Variants in TCF4 observed in about 807,000 individuals in gnomAD.
The protein encoded by TCF4 is transcription factor 4, also known as SL3-3 enhancer factor 2.
Under a neutral mutation model 82.1 loss-of-function variants are expected in TCF4, and 3 were observed. The ratio of observed to expected loss-of-function variants is 0.04; its 90% CI spans 0.02 to 0.09. The LOEUF is 0.09. Among genes scored for constraint, TCF4 ranks in the 10% least tolerant of loss-of-function variants. TCF4 has a pLI of 1.00. For missense variants in TCF4, 518 were observed against 852.7 expected, an observed-to-expected ratio of 0.61 and a Z score of 4.89; for synonymous variants, 276 against 309.6, an observed-to-expected ratio of 0.89 and a Z score of 1.14.
intron 15 of TCF4, among the ~76,000 whole-genome samples, chr18:55,249,846 G>T (rs1191161043): frequency 1.3e-5 from 2 of 152,202 alleles, no homozygotes; most frequent in Admixed American, 6.5e-5. Context: ...CAAGTTTGAT[G>T]TGGGTTTTGT....
At chr18:55,607,338 C>A (rs2097703086) in intron 2 of TCF4, among the ~76,000 whole-genome samples, 1 of 152,110 alleles carries the variant, frequency 6.6e-6, no homozygotes, top group African/African-American at 2.4e-5. Context: ...GAATTTGATG[C>A]TGAATTTTAA....
At chr18:55,432,474 C>T (rs1189434729) in intron 5 of TCF4, among the ~76,000 whole-genome samples, 1 of 152,146 alleles carries the variant, frequency 6.6e-6, no homozygotes, top group African/African-American at 2.4e-5. Flanking sequence ...CCTATACAAC[C>T]TTGTAAGGTT....
intron 6 of TCF4, among the ~76,000 whole-genome samples, chr18:55,368,534 C>T (rs537479286): frequency 6.6e-6 from 1 of 152,192 alleles, no homozygotes; most frequent in East Asian, 1.9e-4. Flanking sequence ...ACAAAAAACA[C>T]AGTGTTTTAA....
At chr18:55,340,553 C>A in intron 8 of TCF4, among the ~76,000 whole-genome samples, 1 of 127,492 alleles carries the variant, frequency 7.8e-6, no homozygotes, top group Admixed American at 9.5e-5. Context: ...CACTGTACTC[C>A]AACCTAGGTG....
At chr18:55,588,755 T>C, upstream of TCF4, 1 of 1,238,716 alleles carries the variant, frequency 8.1e-7, no homozygotes, top group Non-Finnish European at 1.0e-6. Flanking sequence ...TTCGTTTCGG[T>C]AGTTTTGCGT....
intron 6 of TCF4, among the ~76,000 whole-genome samples, chr18:55,370,886 G>C (rs2088934487): frequency 6.6e-6 from 1 of 152,188 alleles, no homozygotes; most frequent in African/African-American, 2.4e-5. Context: ...GTAGGTATGA[G>C]TTAAACTGTA....
intron 6 of TCF4, among the ~76,000 whole-genome samples, chr18:55,352,704 G>A (rs969961076): frequency 6.6e-6 from 1 of 152,040 alleles, no homozygotes; most frequent in Non-Finnish European, 1.5e-5. Context: ...AAAACATAAG[G>A]CTTATTATAA....
At chr18:55,437,500 A>G (rs1370234982) in intron 5 of TCF4, among the ~76,000 whole-genome samples, 1 of 152,200 alleles carries the variant, frequency 6.6e-6, no homozygotes, top group Non-Finnish European at 1.5e-5. Context: ...CAAATATCTT[A>G]GTGGTAAATA....
intron 17 of TCF4, chr18:55,229,290 C>G (rs1486955767): frequency 3.3e-6 from 2 of 599,550 alleles, no homozygotes; most frequent in Non-Finnish European, 6.0e-6. Context: ...AGACATTAAA[C>G]CCAAACCAAA....
intron 8 of TCF4, among the ~76,000 whole-genome samples, chr18:55,297,212 A>C (rs1247614938): frequency 6.8e-6 from 1 of 147,858 alleles, no homozygotes; most frequent in East Asian, 1.9e-4. Flanking sequence ...AATAGAAAAA[A>C]AAAAAAAAAG....
At chr18:55,622,335 C>T (rs1002623595) in intron 2 of TCF4, among the ~76,000 whole-genome samples, 2 of 150,780 alleles carry the variant, frequency 1.3e-5, no homozygotes, top group Admixed American at 6.6e-5. Flanking sequence ...GGTGAAACCC[C>T]GTCTCTACTA....
intron 6 of TCF4, among the ~76,000 whole-genome samples, chr18:55,391,836 G>A (rs1011520703): frequency 6.6e-6 from 1 of 150,898 alleles, no homozygotes; most frequent in Non-Finnish European, 1.5e-5. Flanking sequence ...TACTCGGGAG[G>A]GTGAAACAGG....
At chr18:55,423,970 C>T (rs527615794) in intron 5 of TCF4, among the ~76,000 whole-genome samples, 16 of 152,194 alleles carry the variant, frequency 1.1e-4, no homozygotes, top group South Asian at 4.2e-4. Flanking sequence ...ATGAGGAGTC[C>T]GGTCTTCCTC....
intron 8 of TCF4, among the ~76,000 whole-genome samples, chr18:55,340,583 CA>C (rs11428164): frequency 0.065 from 4,235 of 65,392 alleles, 97 homozygotes; most frequent in Admixed American, 0.17. Context: ...GACCCCATCT[CA>C]AAAAAAAAAA....
chr18:55,546,525 A>G (rs550946418), intron 3 of TCF4, among the ~76,000 whole-genome samples: 1 of 152,330 alleles, frequency 6.6e-6, no homozygotes, highest in Non-Finnish European at 1.5e-5. Context: ...AGCATTAATA[A>G]TGAGAGTGAC....
intron 2 of TCF4, among the ~76,000 whole-genome samples, chr18:55,628,039 G>A (rs1000005507): frequency 2.0e-5 from 3 of 152,150 alleles, no homozygotes; most frequent in African/African-American, 7.2e-5. Context: ...CAGCCTGTGC[G>A]ACAGAGCGAG....
intron 5 of TCF4, among the ~76,000 whole-genome samples, chr18:55,460,245 T>TA (rs1035891307): frequency 2.6e-5 from 4 of 152,166 alleles, no homozygotes; most frequent in Non-Finnish European, 5.9e-5. Flanking sequence ...TCATGTTTAC[T>TA]AGAACAAAGA....
At chr18:55,437,573 T>C (rs1393043119) in intron 5 of TCF4, among the ~76,000 whole-genome samples, 1 of 152,172 alleles carries the variant, frequency 6.6e-6, no homozygotes, top group African/African-American at 2.4e-5. Context: ...AAAATAAGTA[T>C]TGAGTTCAAG....
At chr18:55,631,314 G>A (rs1227538995) in exon 2 of TCF4, 1 of 1,518,010 alleles carries the variant, frequency 6.6e-7, no homozygotes, top group African/African-American at 1.4e-5. Context: ...CTCCCAAAGT[G>A]CTGGGATTAC....
Sources: gnomAD v4.1 joint callset for allele counts (sites outside exome capture counted in the v4.1 genomes callset) on GRCh38, gnomAD v4.1.1 for gene constraint, MANE v1.5 for transcripts, NCBI Gene and HGNC (gene_info 2026-07-23, HGNC 2026-07-21) for gene names.